SYNDIG1: variants seen among roughly 807,000 people sequenced by gnomAD.
The protein encoded by SYNDIG1 is synapse differentiation-inducing gene protein 1.
In SYNDIG1, 9 loss-of-function variants were observed where a neutral mutation model predicts 19.4. The observed-to-expected ratio is 0.46, with a 90% confidence interval of 0.28 to 0.81. SYNDIG1 has a LOEUF of 0.81. SYNDIG1 is among the 30% of genes least tolerant of loss of function. The pLI, the probability that SYNDIG1 is intolerant of heterozygous loss-of-function variation, is 0.12. For synonymous variants in SYNDIG1, 141 were observed against 145.9 expected (o/e 0.97, Z 0.24); for missense variants, 311 against 343.3 (o/e 0.91, Z 0.74).
At position 24,571,347 on chromosome 20, in the gene SYNDIG1, T is replaced by C. The variant is rs974356261; in HGVS notation, c.481-13509T>C. ...AATGTCATTTTCTGGATTTTGATCA[T>C]TGCATTATGGTTATGTAAGAGGCAA... On this transcript the variant is annotated intron_variant, in intron 2 of 3. Transcript: ENST00000376862. Among the ~76,000 whole-genome samples, 9 of 152,216 alleles carry C rather than the reference T, an allele frequency of 5.9e-5. No homozygotes were observed. In the East Asian group the frequency reaches 9.6e-4, roughly 16 times the overall value.
chr20:24,510,579 A>G (rs929324111), intron 1 of SYNDIG1, among the ~76,000 whole-genome samples: 57 of 151,938 alleles, frequency 3.8e-4, no homozygotes, highest in South Asian at 6.2e-4. Flanking sequence ...CAAAAAAAAA[A>G]AAAAAAGAAA....
chr20:24,645,935 C>A (rs901927216), intron 3 of SYNDIG1, among the ~76,000 whole-genome samples: 1 of 152,190 alleles, frequency 6.6e-6, no homozygotes, highest in Non-Finnish European at 1.5e-5. Flanking sequence ...TCAAGGCACC[C>A]TTCTCGCCTG....
At chr20:24,651,276 A>T (rs2059471600) in intron 3 of SYNDIG1, among the ~76,000 whole-genome samples, 1 of 152,228 alleles carries the variant, frequency 6.6e-6, no homozygotes, top group Admixed American at 6.5e-5. Context: ...ATATCATCTT[A>T]GAACCATGGC....
intron 1 of SYNDIG1, among the ~76,000 whole-genome samples, chr20:24,481,172 T>C (rs1236110688): frequency 6.6e-6 from 1 of 152,234 alleles, no homozygotes; most frequent in Non-Finnish European, 1.5e-5. Flanking sequence ...TGTAAGATTC[T>C]AGTTACTGGT....
At chr20:24,525,159 A>ATT (rs2057095061) in intron 1 of SYNDIG1, among the ~76,000 whole-genome samples, 2 of 151,976 alleles carry the variant, frequency 1.3e-5, no homozygotes, top group African/African-American at 4.8e-5. Flanking sequence ...TTAAGAAAGC[A>ATT]TTTCTTTTCC....
At chr20:24,542,184 GA>G (rs11474978) in intron 1 of SYNDIG1, among the ~76,000 whole-genome samples, 148,092 of 152,224 alleles carry the variant, frequency 0.97, 72,126 homozygotes, top group African/African-American at 0.98. Flanking sequence ...ACTTCAATAA[GA>G]AAAAAAAGTT....
chr20:24,537,774 G>T (rs2057390897), intron 1 of SYNDIG1, among the ~76,000 whole-genome samples: 1 of 152,124 alleles, frequency 6.6e-6, no homozygotes, highest in Non-Finnish European at 1.5e-5. Flanking sequence ...GGCTGGAAGT[G>T]TACTTGAGGG....
chr20:24,516,364 G>T (rs1388481606), intron 1 of SYNDIG1, among the ~76,000 whole-genome samples: 1 of 152,206 alleles, frequency 6.6e-6, no homozygotes, highest in Non-Finnish European at 1.5e-5. Flanking sequence ...CTTCTGCACA[G>T]CAAAAGAAAC....
chr20:24,559,321 T>C (rs1160366433), intron 2 of SYNDIG1, among the ~76,000 whole-genome samples: 1 of 152,154 alleles, frequency 6.6e-6, no homozygotes, highest in Admixed American at 6.6e-5. Flanking sequence ...GGGAGGATGA[T>C]GATAAATTGG....
chr20:24,582,643 T>C (rs191617339), intron 2 of SYNDIG1, among the ~76,000 whole-genome samples: 29 of 151,920 alleles, frequency 1.9e-4, no homozygotes, highest in Admixed American at 1.8e-3. Context: ...GCCTCACAAC[T>C]CCCCCGTGAA....
At chr20:24,613,039 G>A (rs951791499) in intron 3 of SYNDIG1, among the ~76,000 whole-genome samples, 12 of 152,238 alleles carry the variant, frequency 7.9e-5, no homozygotes, top group Non-Finnish European at 1.6e-4. Flanking sequence ...AGATGGCACC[G>A]TGGGATGGGG....
chr20:24,476,176 C>G (rs1461263708), intron 1 of SYNDIG1, among the ~76,000 whole-genome samples: 1 of 152,038 alleles, frequency 6.6e-6, no homozygotes, highest in African/African-American at 2.4e-5. Context: ...TGCATAGTAT[C>G]TTAACAGTTT....
intron 1 of SYNDIG1, among the ~76,000 whole-genome samples, chr20:24,472,790 C>T (rs2055507158): frequency 6.6e-6 from 1 of 152,224 alleles, no homozygotes. Context: ...CACCTCTGTG[C>T]TTTCCTGTAT....
intron 3 of SYNDIG1, among the ~76,000 whole-genome samples, chr20:24,661,388 A>AAGGAGGGAAGG (rs2059587564): frequency 7.9e-6 from 1 of 126,064 alleles, no homozygotes; most frequent in Non-Finnish European, 1.7e-5. Flanking sequence ...GGGAGGGAGG[A>AAGGAGGGAAGG]AAGAGGGAGG....
rs564634585 is a variant in SYNDIG1, at chr20:24,470,671, A to C, written c.-79+918A>C. ...CCCTATGCGCTTTTTGCAAGACCCT[A>C]CTAGAGTGGCTCTGGCAGCCGAGCT... On this transcript the variant is annotated intron_variant, in intron 1 of 3. Transcript: ENST00000376862. Among the ~76,000 whole-genome samples, 5 of 152,280 alleles carry C rather than the reference A, an allele frequency of 3.3e-5. No individual in the cohort carries two copies. The East Asian group carries it at 7.7e-4, about 24-fold the overall frequency.
chr20:24,576,191 T>C (rs2058225435), intron 2 of SYNDIG1, among the ~76,000 whole-genome samples: 1 of 152,226 alleles, frequency 6.6e-6, no homozygotes, highest in African/African-American at 2.4e-5. Flanking sequence ...CATATATCCT[T>C]GTGACTACAG....
At chr20:24,583,347 C>G (rs543940761) in intron 2 of SYNDIG1, among the ~76,000 whole-genome samples, 1 of 152,308 alleles carries the variant, frequency 6.6e-6, no homozygotes, top group East Asian at 1.9e-4. Flanking sequence ...AGAAATGGCC[C>G]TGACACTGCC....
At chr20:24,609,162 A>T (rs2058808007) in intron 3 of SYNDIG1, among the ~76,000 whole-genome samples, 1 of 152,196 alleles carries the variant, frequency 6.6e-6, no homozygotes, top group Non-Finnish European at 1.5e-5. Flanking sequence ...ACTACTCTGG[A>T]GGTGGCAGTT....
intron 1 of SYNDIG1, among the ~76,000 whole-genome samples, chr20:24,505,615 T>A (rs1295322438): frequency 6.6e-6 from 1 of 152,234 alleles, no homozygotes; most frequent in Admixed American, 6.5e-5. Context: ...TTAGGTGGCT[T>A]CCGCCCATAT....
Sources: gnomAD v4.1 joint callset for allele counts (sites outside exome capture counted in the v4.1 genomes callset) on GRCh38, gnomAD v4.1.1 for gene constraint, MANE v1.5 for transcripts, NCBI Gene and HGNC (gene_info 2026-07-23, HGNC 2026-07-21) for gene names.